ROBO2: variants seen among roughly 807,000 people sequenced by gnomAD.
ROBO2 encodes the protein roundabout guidance receptor 2, also known as roundabout homolog 2.
ROBO2 carries 53 observed loss-of-function variants against 160.8 expected under a neutral mutation model. The observed-to-expected ratio is 0.33, with a 90% CI of 0.26 to 0.41. The LOEUF is 0.41. ROBO2 is among the 10% of genes least tolerant of loss of function. ROBO2 has a pLI of 1.00. For missense variants in ROBO2, 1,577 were observed against 1,722.4 expected, an observed-to-expected ratio of 0.92 and a Z score of 1.49; for synonymous variants, 664 against 611.7, an observed-to-expected ratio of 1.09 and a Z score of -1.26.
intron 2 of ROBO2, among the ~76,000 whole-genome samples, chr3:76,420,725 A>T (rs1333373142): frequency 2.0e-5 from 3 of 152,168 alleles, no homozygotes; most frequent in African/African-American, 7.2e-5. Flanking sequence ...TCCCTAAGAG[A>T]TTCCAACTAT....
chr3:77,168,944 C>G (rs1187692142), intron 2 of ROBO2, among the ~76,000 whole-genome samples: 1 of 152,122 alleles, frequency 6.6e-6, no homozygotes, highest in Non-Finnish European at 1.5e-5. Flanking sequence ...AGCTAAGTGT[C>G]TGTAAAAAGA....
intron 1 of ROBO2, among the ~76,000 whole-genome samples, chr3:77,057,246 G>A (rs1027363392): frequency 1.3e-5 from 2 of 152,140 alleles, no homozygotes; most frequent in Non-Finnish European, 2.9e-5. Flanking sequence ...TCACTCATAG[G>A]TGGGAACTGA....
intron 2 of ROBO2, among the ~76,000 whole-genome samples, chr3:76,562,923 CCTTT>C (rs1025164538): frequency 1.3e-4 from 20 of 152,076 alleles, no homozygotes; most frequent in Admixed American, 5.2e-4. Flanking sequence ...TTCCTCCCTC[CCTTT>C]CTTTCTTTTC....
At chr3:76,252,756 TATACACACACACACAC>T (rs1264918144) in intron 2 of ROBO2, among the ~76,000 whole-genome samples, 8 of 137,906 alleles carry the variant, frequency 5.8e-5, no homozygotes, top group Non-Finnish European at 1.2e-4. Context: ...CATGTATATG[TATACACACACACACAC>T]ACACACACAC....
intron 2 of ROBO2, among the ~76,000 whole-genome samples, chr3:77,116,736 T>A (rs1387736784): frequency 6.6e-6 from 1 of 152,214 alleles, no homozygotes; most frequent in Non-Finnish European, 1.5e-5. Context: ...CTACGGTTCT[T>A]GTCTTTTTCT....
chr3:77,222,368 G>A (rs2165596), intron 2 of ROBO2, among the ~76,000 whole-genome samples: 4,255 of 152,252 alleles, frequency 0.028, 67 homozygotes, highest in Middle Eastern at 0.054. Context: ...TGTTTCCCCA[G>A]TGGGTTACAT....
intron 23 of ROBO2, among the ~76,000 whole-genome samples, chr3:77,625,871 A>C (rs1168324255): frequency 6.6e-6 from 1 of 152,210 alleles, no homozygotes; most frequent in Admixed American, 6.5e-5. Context: ...AAGTTTGCTG[A>C]TCCCTATTAT....
intron 2 of ROBO2, among the ~76,000 whole-genome samples, chr3:77,344,553 G>T (rs1202917811): frequency 6.6e-6 from 1 of 152,106 alleles, no homozygotes; most frequent in Non-Finnish European, 1.5e-5. Context: ...GCCAGACAGT[G>T]GGCTCTTGCC....
chr3:76,854,065 T>TG (rs1559605508), intron 2 of ROBO2, among the ~76,000 whole-genome samples: 4 of 76,938 alleles, frequency 5.2e-5, no homozygotes, highest in African/African-American at 8.8e-5. Context: ...TCTCTCTCTC[T>TG]CTTTCTCTGT....
At chr3:76,690,642 A>G (rs1209217938) in intron 2 of ROBO2, among the ~76,000 whole-genome samples, 1 of 151,994 alleles carries the variant, frequency 6.6e-6, no homozygotes, top group East Asian at 1.9e-4. Context: ...TTATATTTTT[A>G]TATTTATTAT....
intron 2 of ROBO2, among the ~76,000 whole-genome samples, chr3:77,352,126 G>A (rs112387969): frequency 0.011 from 1,671 of 149,424 alleles, 18 homozygotes; most frequent in Middle Eastern, 0.018. Flanking sequence ...AAAAAGAGTC[G>A]CAGGTATCAG....
intron 2 of ROBO2, among the ~76,000 whole-genome samples, chr3:75,958,408 T>C (rs1428273481): frequency 6.6e-6 from 1 of 151,842 alleles, no homozygotes; most frequent in Non-Finnish European, 1.5e-5. Context: ...GCTTATGCTT[T>C]AGTGGAGAAA....
At chr3:77,429,612 GT>G (rs34071759) in intron 2 of ROBO2, among the ~76,000 whole-genome samples, 46,409 of 145,086 alleles carry the variant, frequency 0.32, 7,672 homozygotes, top group African/African-American at 0.43. Flanking sequence ...AAAAAGCAGG[GT>G]TTTTTTTTTT....
chr3:76,732,271 A>G (rs2093648667), intron 2 of ROBO2, among the ~76,000 whole-genome samples: 1 of 152,190 alleles, frequency 6.6e-6, no homozygotes, highest in African/African-American at 2.4e-5. Context: ...ACTGGTGCAT[A>G]TGTTGATGTG....
At chr3:76,780,763 T>C (rs1309854373) in intron 2 of ROBO2, among the ~76,000 whole-genome samples, 1 of 150,848 alleles carries the variant, frequency 6.6e-6, no homozygotes, top group Non-Finnish European at 1.5e-5. Context: ...GGAATTTCTA[T>C]TTTGTTCCAT....
intron 2 of ROBO2, among the ~76,000 whole-genome samples, chr3:76,241,556 G>T (rs572950994): frequency 1.3e-5 from 2 of 152,178 alleles, no homozygotes; most frequent in African/African-American, 4.8e-5. Flanking sequence ...TGAGCTTTAG[G>T]TTCATGCTCA....
intron 2 of ROBO2, among the ~76,000 whole-genome samples, chr3:76,172,928 A>G (rs950826650): frequency 4.0e-4 from 60 of 151,728 alleles, no homozygotes; most frequent in African/African-American, 1.4e-3. Context: ...ACATGTAAAC[A>G]TATATATATA....
At chr3:76,907,823 G>GGGGGGTGTGTGTGTGT (rs112697690) in intron 2 of ROBO2, among the ~76,000 whole-genome samples, 5 of 145,432 alleles carry the variant, frequency 3.4e-5, no homozygotes, top group African/African-American at 1.3e-4. Flanking sequence ...GTTTGTTTGG[G>GGGGGGTGTGTGTGTGT]GTGTGTGTGT....
intron 2 of ROBO2, among the ~76,000 whole-genome samples, chr3:76,338,297 C>T (rs1037481900): frequency 2.0e-5 from 3 of 152,076 alleles, no homozygotes; most frequent in Admixed American, 6.6e-5. Flanking sequence ...CAATAAGGTA[C>T]GTTGAAGTTT....
Sources: allele counts gnomAD v4.1 joint callset (sites outside exome capture counted in the v4.1 genomes callset), GRCh38; gene constraint gnomAD v4.1.1; transcripts MANE v1.5; gene names NCBI Gene and HGNC (gene_info 2026-07-23, HGNC 2026-07-21).